The following ATP8B1 variants were observed in gnomAD, a reference collection of about 807,000 sequenced individuals.
ATP8B1 encodes the protein phospholipid-transporting ATPase IC.
In ATP8B1, 80 loss-of-function variants were observed where a neutral mutation model predicts 149.9. The ratio of observed to expected loss-of-function variants is 0.53; its 90% CI spans 0.45 to 0.64. The LOEUF is 0.64. ATP8B1 is among the 30% of genes least tolerant of loss of function. ATP8B1 has a pLI of 0.00. For synonymous variants in ATP8B1, 536 were observed against 562.8 expected, an observed-to-expected ratio of 0.95 and a Z score of 0.67; for missense variants, 1,247 against 1,552.6, an observed-to-expected ratio of 0.80 and a Z score of 3.31.
At chr18:57,686,913 G>T (rs1487896942) in intron 13 of ATP8B1, among the ~76,000 whole-genome samples, 1 of 152,056 alleles carries the variant, frequency 6.6e-6, no homozygotes, top group African/African-American at 2.4e-5. Flanking sequence ...GTGTGATCTT[G>T]GCTCACTGTA....
At position 57,697,885 on chromosome 18, in the gene ATP8B1, T is replaced by C. The variant is rs777475367; in HGVS notation, c.555-18A>G. On this transcript the variant is annotated intron_variant, in intron 6 of 27. Transcript: ENST00000648908. ...CTTTGAACCTAAGGATTAAAAATAA[T>C]GAGGATTTATTGACATTTTAAGTTA... The C allele has an allele frequency of 1.3e-6, 2 of 1,588,688 alleles. No individual in the cohort carries two copies. The highest frequency in any genetic ancestry group is 1.7e-4 in the Middle Eastern group (1 of 5,932).
chr18:57,667,026 TACAG>T lies in ATP8B1; in HGVS notation c.2285+62_2285+65del, dbSNP rs934275429. ...CTATTTCTTCATATCTGCTATCTTC[TACAG>T]ACAGTCTTGCATTTGCAAAGATGAG... On this transcript the variant is annotated intron_variant, in intron 20 of 27. Transcript: ENST00000648908. 113 of 1,406,298 alleles carry T rather than the reference TACAG, an allele frequency of 8.0e-5. No homozygotes were observed. The African/African-American group carries it at 1.4e-3, about 17-fold the overall frequency. 87.1% of individuals were successfully genotyped at this position (1,406,298 alleles called of 1,614,324 possible). A position where few individuals can be genotyped will look rare whatever the true frequency, so the allele number is the denominator to read the frequency against.
chr18:57,753,684 T>C (rs1300794152), intron 1 of ATP8B1, among the ~76,000 whole-genome samples: 1 of 151,952 alleles, frequency 6.6e-6, no homozygotes, highest in East Asian at 1.9e-4. Context: ...TCCCAGCGCT[T>C]TGGGAGGCTG....
Position 57,669,374 on chromosome 18 carries a change from T to C in ATP8B1, c.2041A>G (p.Thr681Ala). The change falls in exon 18 of 28, where the codon ACC (threonine) becomes GCC (alanine). Residue 681 changes from threonine (T) to alanine (A), a missense_variant. By Grantham distance (58) the Thr-to-Ala change is moderately conservative. Around this residue, in one of 3 missense-constraint regions of ATP8B1, gnomAD observed 853 missense variants for 1,035.7 expected, o/e 0.82. Coordinates refer to ENST00000648908, the MANE Select transcript of ATP8B1 (RefSeq NM_001374385.1). ...KKFMAASVAS[T>A]NRDEALDKVY... ...TTATCCAGAGCTTCGTCCCGGTTGG[T>C]GGAGGCCACACTGGCAGCCATAAAC... 6.2e-7 allele frequency: 1 copy of C among 1,614,034 alleles called. No individual in the cohort carries two copies. Among genetic ancestry groups the C allele is most frequent in the Non-Finnish European group, 8.5e-7 (1 of 1,179,986 alleles).
intron 1 of ATP8B1, among the ~76,000 whole-genome samples, chr18:57,781,365 T>C (rs1003850420): frequency 2.0e-5 from 3 of 152,220 alleles, no homozygotes; most frequent in African/African-American, 7.2e-5. Flanking sequence ...TGTTGAGTTT[T>C]GGCAACACTG....
Position 57,791,346 on chromosome 18 carries a change from C to CTTTTTTTTTTTTTTTTTTTT in ATP8B1, c.-26+11651_-26+11652insAAAAAAAAAAAAAAAAAAAA, listed in dbSNP as rs1473257768. 1.4e-4 allele frequency among the ~76,000 whole-genome samples: 18 copies of CTTTTTTTTTTTTTTTTTTTT among 124,972 alleles called. 2 individuals are homozygous for CTTTTTTTTTTTTTTTTTTTT. The highest frequency in any genetic ancestry group is 5.8e-4 in the African/African-American group (17 of 29,534). 82.0% of individuals were successfully genotyped at this position (124,972 alleles called of 152,430 possible). ...TTCCTTCCTTTTTTCTTTTTCTTTT[C>CTTTTTTTTTTTTTTTTTTTT]TTTTCTTTTTTTTTTTTTTTTTGAG... On this transcript the variant is annotated intron_variant, in intron 1 of 27. Coordinates refer to ENST00000648908, the MANE Select transcript of ATP8B1 (RefSeq NM_001374385.1).
In ATP8B1 at chr18:57,654,055, G is replaced by A; in HGVS notation, c.2952C>T (p.Phe984=). 1.2e-6 allele frequency: 2 copies of A among 1,614,014 alleles called. No homozygotes were observed. The highest frequency in any genetic ancestry group is 1.1e-5 in the South Asian group (1 of 91,070). ...YSAQTAYEDW[F]ITLYNVLYTS... is the part of the protein sequence containing the mutation. ...TGTACAGCACGTTGTAGAGGGTGAT[G>A]AACCAATCCTCGTATGCAGTCTGTG... Residue 984 remains phenylalanine, a synonymous_variant, in exon 24 of 28, where the codon TTC becomes TTT. Transcript: ENST00000648908.
At chr18:57,793,912 A>C (rs1468319261) in intron 1 of ATP8B1, among the ~76,000 whole-genome samples, 2 of 152,192 alleles carry the variant, frequency 1.3e-5, no homozygotes, top group African/African-American at 2.4e-5. Context: ...AGGTTCTCAA[A>C]TTGACTTTTA....
In ATP8B1 at chr18:57,784,198, G is replaced by A. The variant is rs2080384696; in HGVS notation, c.-26+18800C>T. Among the ~76,000 whole-genome samples the A allele has an allele frequency of 6.6e-6, 1 of 152,202 alleles. No individual in the cohort carries two copies. The highest frequency in any genetic ancestry group is 1.5e-5 in the Non-Finnish European group (1 of 68,036). On this transcript the variant is annotated intron_variant, in intron 1 of 27. Coordinates refer to ENST00000648908, the MANE Select transcript of ATP8B1 (RefSeq NM_001374385.1). This position sits in a 1 kb window ranked among gnomAD's most constrained non-coding sequence, Gnocchi z 4.4. ...GACTCGTCATGCTTCAGAAACTGAAGGAGAAAAAGAATGGAATTTGCAGGG... is the reference window on the plus strand; with the variant it reads ...GACTCGTCATGCTTCAGAAACTGAAAGAGAAAAAGAATGGAATTTGCAGGG...
chr18:57,722,328 CAACAAAATTGAT>C, intron 2 of ATP8B1, among the ~76,000 whole-genome samples: 1 of 149,394 alleles, frequency 6.7e-6, no homozygotes, highest in South Asian at 2.1e-4. Context: ...TTGAAAGGAT[CAACAAAATTGAT>C]AGACCGCTAG....
At chr18:57,778,355 A>C (rs1351621787) in intron 1 of ATP8B1, among the ~76,000 whole-genome samples, 3 of 150,714 alleles carry the variant, frequency 2.0e-5, no homozygotes, top group Non-Finnish European at 3.0e-5. Flanking sequence ...TCTCGGGAGC[A>C]GCTGGGACTA....
At chr18:57,796,250 C>A (rs1411422914) in intron 1 of ATP8B1, among the ~76,000 whole-genome samples, 1 of 152,208 alleles carries the variant, frequency 6.6e-6, no homozygotes, top group Non-Finnish European at 1.5e-5. Context: ...CTCCTCCTCT[C>A]AAAGTTGTAC....
intron 1 of ATP8B1, among the ~76,000 whole-genome samples, chr18:57,767,670 T>G (rs1228416465): frequency 6.6e-6 from 1 of 152,006 alleles, no homozygotes; most frequent in African/African-American, 2.4e-5. Context: ...GCGCCTGTAA[T>G]CTCAGCTACT....
intron 2 of ATP8B1, among the ~76,000 whole-genome samples, chr18:57,719,406 C>T (rs979965128): frequency 1.3e-5 from 2 of 152,218 alleles, no homozygotes; most frequent in Non-Finnish European, 2.9e-5. Flanking sequence ...GGTGCGCGCA[C>T]TGTGCGCGAG....
chr18:57,734,404 G>A (rs1222927658), intron 1 of ATP8B1, among the ~76,000 whole-genome samples: 1 of 152,072 alleles, frequency 6.6e-6, no homozygotes, highest in Non-Finnish European at 1.5e-5. Flanking sequence ...TGGCCAGGCT[G>A]GGACATACAT....
intron 13 of ATP8B1, among the ~76,000 whole-genome samples, chr18:57,687,088 C>G (rs1233232888): frequency 6.6e-6 from 1 of 152,178 alleles, no homozygotes; most frequent in Non-Finnish European, 1.5e-5. Flanking sequence ...CTTGACCTCC[C>G]AAAGTGTTGT....
intron 15 of ATP8B1, among the ~76,000 whole-genome samples, chr18:57,677,866 A>C (rs149169104): frequency 1.6e-3 from 239 of 152,332 alleles, no homozygotes; most frequent in African/African-American, 5.5e-3. Flanking sequence ...AGCAGAGAAA[A>C]GGAACAAAAT....
intron 6 of ATP8B1, among the ~76,000 whole-genome samples, chr18:57,699,753 A>G (rs1164546431): frequency 2.0e-5 from 3 of 152,020 alleles, no homozygotes; most frequent in African/African-American, 7.2e-5. Flanking sequence ...GAGTCTCACT[A>G]AGTTTTCCAG....
At chr18:57,793,183 A>AGTT (rs1263027936) in intron 1 of ATP8B1, among the ~76,000 whole-genome samples, 1 of 152,134 alleles carries the variant, frequency 6.6e-6, no homozygotes, top group Non-Finnish European at 1.5e-5. Flanking sequence ...CTGCTGAGAA[A>AGTT]GTTATCTTTG....
Sources: gnomAD v4.1 joint callset for allele counts (sites outside exome capture counted in the v4.1 genomes callset) on GRCh38, gnomAD v4.1.1 for gene constraint, gnomAD v4.1.1 regional missense constraint, Gnocchi (gnomAD v3.1) non-coding constraint, MANE v1.5 for transcripts, NCBI Gene and HGNC (gene_info 2026-07-23, HGNC 2026-07-21) for gene names.